CDH13: variants seen among roughly 807,000 people sequenced by gnomAD.
CDH13 encodes the protein cadherin-13.
CDH13 carries 24 observed loss-of-function variants against 63.8 expected under a neutral mutation model. The ratio of observed to expected loss-of-function variants is 0.38; its 90% CI spans 0.27 to 0.53. CDH13 has a LOEUF of 0.53. Ranked by LOEUF, CDH13 falls within the 20% of genes least tolerant of loss-of-function variation. The pLI, the probability that CDH13 is intolerant of heterozygous loss-of-function variation, is 0.85. For missense variants in CDH13, 1,049 were observed against 903.1 expected, an observed-to-expected ratio of 1.16 and a Z score of -2.07; for synonymous variants, 503 against 355.3, an observed-to-expected ratio of 1.42 and a Z score of -4.67.
At chr16:82,774,873 T>A (rs915223781) in intron 1 of CDH13, among the ~76,000 whole-genome samples, 1 of 152,172 alleles carries the variant, frequency 6.6e-6, no homozygotes, top group Non-Finnish European at 1.5e-5. Context: ...GGCTCCTCTG[T>A]TACCAAACAA....
chr16:82,861,404 A>G (rs1411406765), intron 2 of CDH13, among the ~76,000 whole-genome samples: 1 of 152,222 alleles, frequency 6.6e-6, no homozygotes, highest in African/African-American at 2.4e-5. Context: ...AAGTTGTCTG[A>G]AAGTGCTGTC....
intron 8 of CDH13, among the ~76,000 whole-genome samples, chr16:83,619,783 C>G (rs944548322): frequency 6.6e-6 from 1 of 152,246 alleles, no homozygotes; most frequent in South Asian, 2.1e-4. Flanking sequence ...TCAAGGTCCT[C>G]TTTCCAAATA....
At chr16:83,413,865 A>G (rs1369568968) in intron 6 of CDH13, among the ~76,000 whole-genome samples, 1 of 152,054 alleles carries the variant, frequency 6.6e-6, no homozygotes, top group Non-Finnish European at 1.5e-5. Context: ...GTGGGCACAC[A>G]CCTGTAATCT....
chr16:83,354,952 T>G (rs1247158695), intron 6 of CDH13, among the ~76,000 whole-genome samples: 2 of 152,252 alleles, frequency 1.3e-5, no homozygotes, highest in Admixed American at 6.5e-5. Flanking sequence ...GGACACAGAC[T>G]GTATATTCCA....
rs187059853 is a variant in CDH13 at position 82,915,350 on chromosome 16, C to A, written c.157+56877C>A. On this transcript the variant is annotated intron_variant, in intron 2 of 13. Transcript: ENST00000567109. Reference sequence around the variant, plus strand: ...TGGTTCTCTGGGTACGTCTTACAGGCTTCTATTTTTGAACTTGACTCCAAG... The same window carrying A: ...TGGTTCTCTGGGTACGTCTTACAGGATTCTATTTTTGAACTTGACTCCAAG... Among the ~76,000 whole-genome samples the A allele has an allele frequency of 2.0e-4, 31 of 152,268 alleles. 1 individual carries two copies. In the East Asian group the frequency reaches 4.4e-3, roughly 22 times the overall value.
intron 5 of CDH13, among the ~76,000 whole-genome samples, chr16:83,229,468 C>T (rs2039940635): frequency 6.6e-6 from 1 of 151,886 alleles, no homozygotes; most frequent in Non-Finnish European, 1.5e-5. Context: ...AGTAAATATT[C>T]TCTCTTAAAA....
intron 7 of CDH13, among the ~76,000 whole-genome samples, chr16:83,598,703 A>G (rs1009513871): frequency 6.6e-6 from 1 of 152,194 alleles, no homozygotes; most frequent in Non-Finnish European, 1.5e-5. Context: ...TTCTGGCTTC[A>G]AGGATGACAA....
intron 7 of CDH13, among the ~76,000 whole-genome samples, chr16:83,503,265 A>G (rs1044934586): frequency 2.6e-5 from 4 of 152,200 alleles, no homozygotes; most frequent in African/African-American, 9.7e-5. Flanking sequence ...GAAATACAGG[A>G]CAACTGGAGA....
chr16:82,757,892 G>T (rs533117053), intron 1 of CDH13, among the ~76,000 whole-genome samples: 29 of 152,128 alleles, frequency 1.9e-4, no homozygotes, highest in Non-Finnish European at 3.5e-4. Context: ...CTCGTGATCC[G>T]CCCGCCTCGG....
At chr16:83,016,559 G>A (rs1319765989) in intron 2 of CDH13, among the ~76,000 whole-genome samples, 2 of 152,190 alleles carry the variant, frequency 1.3e-5, no homozygotes, top group African/African-American at 2.4e-5. Flanking sequence ...GCCTTCTGCA[G>A]TCTGCTGCAG....
intron 6 of CDH13, among the ~76,000 whole-genome samples, chr16:83,448,106 T>C (rs998428232): frequency 3.9e-5 from 6 of 152,140 alleles, no homozygotes; most frequent in Non-Finnish European, 7.3e-5. Flanking sequence ...TATTTTATTA[T>C]AGAGATATAA....
chr16:83,409,914 G>A (rs2092102083), intron 6 of CDH13, among the ~76,000 whole-genome samples: 1 of 152,218 alleles, frequency 6.6e-6, no homozygotes. Context: ...TGTTTACATG[G>A]AATTTCTGAA....
chr16:83,733,375 C>G (rs555726184), intron 10 of CDH13, among the ~76,000 whole-genome samples: 1 of 152,308 alleles, frequency 6.6e-6, no homozygotes, highest in African/African-American at 2.4e-5. Context: ...CTGCAGCCCT[C>G]CCGGTAACCT....
At chr16:83,654,328 G>T (rs1473837337) in intron 8 of CDH13, among the ~76,000 whole-genome samples, 1 of 152,080 alleles carries the variant, frequency 6.6e-6, no homozygotes, top group African/African-American at 2.4e-5. Context: ...ACCCTCACGT[G>T]GTGGGGTTTA....
intron 5 of CDH13, among the ~76,000 whole-genome samples, chr16:83,267,963 T>G (rs80257306): frequency 6.6e-6 from 1 of 152,072 alleles, no homozygotes; most frequent in Admixed American, 6.5e-5. Flanking sequence ...GAGATGACCA[T>G]GAATGGCAAA....
At chr16:82,792,887 G>A (rs754397551) in intron 1 of CDH13, among the ~76,000 whole-genome samples, 1 of 151,986 alleles carries the variant, frequency 6.6e-6, no homozygotes, top group Admixed American at 6.6e-5. Context: ...AAGTCCACAT[G>A]AAATGCCTGG....
chr16:82,801,347 T>C (rs748044312), intron 1 of CDH13, among the ~76,000 whole-genome samples: 1 of 152,210 alleles, frequency 6.6e-6, no homozygotes, highest in Non-Finnish European at 1.5e-5. Flanking sequence ...GGCTTGATGC[T>C]CCTCGAGGGA....
intron 10 of CDH13, among the ~76,000 whole-genome samples, chr16:83,709,342 G>A (rs1033860034): frequency 2.6e-5 from 4 of 152,202 alleles, no homozygotes; most frequent in Admixed American, 2.6e-4. Context: ...AGGAACCTGA[G>A]ATATTAACCT....
chr16:82,815,932 G>A (rs1012395817), intron 1 of CDH13, among the ~76,000 whole-genome samples: 1 of 152,196 alleles, frequency 6.6e-6, no homozygotes, highest in African/African-American at 2.4e-5. Flanking sequence ...CAAGACACGT[G>A]TTTAGGACTG....
Sources: gnomAD v4.1 joint callset for allele counts (sites outside exome capture counted in the v4.1 genomes callset) on GRCh38, gnomAD v4.1.1 for gene constraint, MANE v1.5 for transcripts, NCBI Gene and HGNC (gene_info 2026-07-23, HGNC 2026-07-21) for gene names.